The following HARBI1 variants were observed in gnomAD, a reference collection of about 807,000 sequenced individuals.
HARBI1 encodes the protein harbinger transposase derived 1, also known as putative nuclease HARBI1.
A neutral mutation model predicts 25.3 loss-of-function variants in HARBI1; 15 were observed. That is an observed-to-expected ratio of 0.59 (90% CI 0.40 to 0.91). The LOEUF (loss-of-function observed/expected upper bound fraction) is 0.91. HARBI1 is among the 40% of genes least tolerant of loss of function. The pLI, the probability that HARBI1 is intolerant of heterozygous loss-of-function variation, is 0.00. For synonymous variants in HARBI1, 168 were observed against 160.5 expected (o/e 1.05, Z -0.35); for missense variants, 396 against 445.8 (o/e 0.89, Z 1.01).
In HARBI1 at chr11:46,603,862, T is replaced by C. The variant is rs1251451928; in HGVS notation, c.718A>G (p.Ile240Val). 3 of 1,613,944 alleles carry C rather than the reference T, an allele frequency of 1.9e-6. No homozygotes were observed. The highest frequency in any genetic ancestry group is 1.7e-5 in the Admixed American group (1 of 59,978). ...CGATATTCTGCTGGAGTTTCAGGAA[T>C]GTGAAGTGGGGTCATGAGCCAGGTT... ...LRTWLMTPLH[I>V]PETPAEYRYN... The change falls in exon 3 of 3, where the codon ATT becomes GTT. Residue 240 changes from isoleucine (I) to valine (V), a missense_variant. By Grantham distance (29) the Ile-to-Val change is conservative (BLOSUM62 3). Transcript: ENST00000326737.
At position 46,607,802 on chromosome 11, in the gene HARBI1, T is replaced by C. The variant is rs571174606; in HGVS notation, c.671-3893A>G. Among the ~76,000 whole-genome samples the C allele has an allele frequency of 1.3e-4, 20 of 151,692 alleles. No homozygotes were observed. In the East Asian group the frequency reaches 3.7e-3, roughly 28 times the overall value. ...GAGCTAAAGAAATAAGAACTGAGGC[T>C]GAATTGTTTGCAGGAATAGGTATAT... On this transcript the variant is annotated intron_variant, in intron 2 of 2. Transcript: ENST00000326737.
At chr11:46,605,341 C>A (rs1440207243) in intron 2 of HARBI1, among the ~76,000 whole-genome samples, 1 of 151,874 alleles carries the variant, frequency 6.6e-6, no homozygotes, top group African/African-American at 2.4e-5. Context: ...TATCTGGGAC[C>A]ACAGGCATGC....
chr11:46,611,638 G>A (rs1285057012), intron 2 of HARBI1, among the ~76,000 whole-genome samples: 1 of 151,638 alleles, frequency 6.6e-6, no homozygotes, highest in Non-Finnish European at 1.5e-5. Flanking sequence ...TTGAGCCCAG[G>A]AGGTCAAGGC....
intron 2 of HARBI1, among the ~76,000 whole-genome samples, chr11:46,605,643 A>AGTG (rs2044914503): frequency 7.7e-6 from 1 of 129,308 alleles, no homozygotes; most frequent in South Asian, 2.4e-4. Context: ...GCTGGAGTGC[A>AGTG]GTGGTGCAAT....
chr11:46,615,792 T>G lies in HARBI1; in HGVS notation c.446A>C (p.Asp149Ala). The G allele has an allele frequency of 6.2e-7, 1 of 1,614,148 alleles. No individual in the cohort carries two copies. Among genetic ancestry groups the G allele is most frequent in the South Asian group, 1.1e-5 (1 of 91,084 alleles). ...TGCCTTGATGGCCACATGGATACAG[T>G]CAACCACCCCCATCACCCCTGGCAT... ...AGMPGVMGVVDCIHVAIKAPN... is the reference protein window; with the variant it reads ...AGMPGVMGVVACIHVAIKAPN... The change falls in exon 2 of 3, where the codon GAC becomes GCC. Residue 149 changes from aspartate (D) to alanine (A), a missense_variant. Physicochemically the swap from Asp to Ala is moderately radical, Grantham distance 126. Transcript: ENST00000326737.
At chr11:46,611,375 T>C (rs1395299950) in intron 2 of HARBI1, among the ~76,000 whole-genome samples, 1 of 152,132 alleles carries the variant, frequency 6.6e-6, no homozygotes, top group Non-Finnish European at 1.5e-5. Context: ...CTTACAATAT[T>C]GCCTGTCAAA....
intron 1 of HARBI1, chr11:46,616,831 CAAAAAAAAAAAAAAAA>C (rs749013239): frequency 1.9e-4 from 114 of 605,026 alleles, no homozygotes; most frequent in East Asian, 9.7e-4. Flanking sequence ...AAAGAAGGGG[CAAAAAAAAAAAAAAAA>C]AAAAAAAAAA....
chr11:46,613,119 A>T (rs1257191511), intron 2 of HARBI1, among the ~76,000 whole-genome samples: 1 of 151,462 alleles, frequency 6.6e-6, no homozygotes, highest in Non-Finnish European at 1.5e-5. Flanking sequence ...AGATGGGACT[A>T]CAGGCATGCG....
chr11:46,617,587 C>T (rs1158172485), upstream of HARBI1: 2 of 165,248 alleles, frequency 1.2e-5, no homozygotes, highest in East Asian at 1.3e-4. Flanking sequence ...CAAACACTAA[C>T]GATGGCGGCG....
At chr11:46,616,849 A>AAC in intron 1 of HARBI1, 1 of 980,866 alleles carries the variant, frequency 1.0e-6, no homozygotes, top group Non-Finnish European at 1.2e-6. Flanking sequence ...AAAAAAAAAA[A>AAC]AAAAAAAAAA....
At chr11:46,614,049 C>G (rs181780928) in intron 2 of HARBI1, among the ~76,000 whole-genome samples, 1 of 151,984 alleles carries the variant, frequency 6.6e-6, no homozygotes, top group East Asian at 1.9e-4. Context: ...TTTTGTTTTG[C>G]ATATGTATAA....
At position 46,603,742 on chromosome 11, in the gene HARBI1, C is replaced by T. The variant is rs907767975; in HGVS notation, c.838G>A (p.Ala280Thr). Residue 280 changes from alanine (A) to threonine (T), a missense_variant, in exon 3 of 3, where the codon GCA (alanine) becomes ACA (threonine). Transcript: ENST00000326737. Reference sequence around the variant, plus strand: ...GATTTCTCTGGTGAGTACTGCAGTGCCCCCTTGGATCCATCCAGGCAGCGG... The same window carrying T: ...GATTTCTCTGGTGAGTACTGCAGTGTCCCCTTGGATCCATCCAGGCAGCGG... Reference protein sequence around the residue: ...RFRCLDGSKGALQYSPEKSSH... With the variant: ...RFRCLDGSKGTLQYSPEKSSH... 3 of 1,614,052 alleles carry T rather than the reference C, an allele frequency of 1.9e-6. No homozygotes were observed. In the Admixed American group the frequency reaches 5.0e-5, roughly 27 times the overall value.
chr11:46,603,560 A>G lies in HARBI1; in HGVS notation c.1020T>C (p.Arg340=), dbSNP rs1344145656. Residue 340 remains arginine, a synonymous_variant, in exon 3 of 3, where the codon CGT becomes CGC. Transcript: ENST00000326737. ...TAAAATGAGTGAGCATTAGCTCCTG[A>G]CGAATACGGTCAGCCTCTAAGTCCA... ...ESLDLEADRI[R]QELMLTHFS 9.3e-6 allele frequency: 15 copies of G among 1,607,876 alleles called. No individual in the cohort carries two copies. The highest frequency in any genetic ancestry group is 1.3e-5 in the Non-Finnish European group (15 of 1,176,102).
rs1399110021 is a variant in HARBI1 at position 46,616,410 on chromosome 11, G to C, written c.-144-29C>G. 3 of 1,420,864 alleles carry C rather than the reference G, an allele frequency of 2.1e-6. No homozygotes were observed. The African/African-American group carries it at 4.3e-5, about 20-fold the overall frequency. 88.0% of individuals were successfully genotyped at this position (1,420,864 alleles called of 1,614,324 possible). ...TAAATGTTAAAAGAAAAAACATTAG[G>C]AACCTACCAAAGACTTTAAAGTGAC... On this transcript the variant is annotated intron_variant, in intron 1 of 2. Transcript: ENST00000326737.
In HARBI1 at chr11:46,616,078, C is replaced by T. The variant is rs751319655; in HGVS notation, c.160G>A (p.Gly54Arg). 2.0e-5 allele frequency: 32 copies of T among 1,614,082 alleles called. No homozygotes were observed. In the East Asian group the frequency reaches 6.0e-4, roughly 30 times the overall value. ...QFIYYLVELL[G>R]ANLSRPTQRS... is the part of the protein sequence containing the mutation. ...TGAGTAGGCCTAGAAAGATTCGCCCCCAAGAGCTCCACCAAGTAATAAATG... is the reference window on the plus strand; with the variant it reads ...TGAGTAGGCCTAGAAAGATTCGCCCTCAAGAGCTCCACCAAGTAATAAATG... Residue 54 changes from glycine to arginine, a missense_variant, in exon 2 of 3, where the codon GGG (glycine) becomes AGG (arginine). Transcript: ENST00000326737.
At chr11:46,607,286 C>G (rs909946858) in intron 2 of HARBI1, among the ~76,000 whole-genome samples, 10 of 148,436 alleles carry the variant, frequency 6.7e-5, no homozygotes, top group Non-Finnish European at 1.3e-4. Flanking sequence ...AAAAGATTAT[C>G]TCTTATTATG....
In HARBI1 at chr11:46,615,269, G is replaced by T. The variant is rs567484355; in HGVS notation, c.670+299C>A. On this transcript the variant is annotated intron_variant, in intron 2 of 2. Transcript: ENST00000326737. ...GGAGTTTTTGCTCTGTTGCCCAGGT[G>T]GGGGTGCAATGGCGCCATCTCGGCT... Among the ~76,000 whole-genome samples, 24 of 148,396 alleles carry T rather than the reference G, an allele frequency of 1.6e-4. 1 individual carries two copies. The highest frequency in any genetic ancestry group is 3.5e-4 in the African/African-American group (14 of 40,200).
At chr11:46,614,095 G>A (rs888123742) in intron 2 of HARBI1, among the ~76,000 whole-genome samples, 1 of 151,746 alleles carries the variant, frequency 6.6e-6, no homozygotes. Flanking sequence ...AGGAGTAGAA[G>A]AGCTGGGTGA....
chr11:46,616,868 A>G (rs2045558410), intron 1 of HARBI1: 6 of 973,362 alleles, frequency 6.2e-6, no homozygotes, highest in Non-Finnish European at 7.3e-6. Context: ...AAAAACAACC[A>G]AAGTCCACAA....
Sources: allele counts gnomAD v4.1 joint callset (sites outside exome capture counted in the v4.1 genomes callset), GRCh38; gene constraint gnomAD v4.1.1; transcripts MANE v1.5; gene names NCBI Gene and HGNC (gene_info 2026-07-23, HGNC 2026-07-21).